Variants in KLHL13 observed in about 807,000 individuals in gnomAD.
KLHL13 encodes kelch like family member 13, also known as kelch-like protein 13.
In KLHL13, 10 loss-of-function variants were observed where a neutral mutation model predicts 37.1. That is an observed-to-expected ratio of 0.27 (90% CI 0.17 to 0.46). The LOEUF is 0.46. Among genes scored for constraint, KLHL13 ranks in the 20% least tolerant of loss-of-function variants. The pLI is 1.00. For synonymous variants in KLHL13, 163 were observed against 181.2 expected (o/e 0.90, Z 0.81); for missense variants, 360 against 509.3 (o/e 0.71, Z 2.82).
At chrX:117,974,585 A>G (rs773883045), upstream of KLHL13, among the ~76,000 whole-genome samples, 2 of 112,118 alleles carry the variant, frequency 1.8e-5, no homozygotes, top group Non-Finnish European at 3.8e-5. Context: ...TACCAAATTT[A>G]GTATATAAGA....
chrX:117,899,039 T>C (rs1569407364), exon 7 of KLHL13: 2 of 1,211,432 alleles, frequency 1.7e-6, no homozygotes, highest in Non-Finnish European at 2.2e-6. Context: ...CATTCATCTT[T>C]ATCTGGATCA....
At chrX:118,039,164 T>C (rs2054481977) in intron 1 of KLHL13, among the ~76,000 whole-genome samples, 1 of 112,259 alleles carries the variant, frequency 8.9e-6, no homozygotes, top group African/African-American at 3.2e-5. Context: ...GAGGCAATAC[T>C]CACTGTGGGT....
intron 2 of KLHL13, 97 bp from the exon 4 acceptor site, chrX:117,920,467 T>C (rs1352441508): frequency 4.6e-6 from 4 of 868,360 alleles, no homozygotes. Flanking sequence ...TGGTGCAACA[T>C]ATGTGGAACA....
chrX:117,992,491 T>C (rs12392906), intron 1 of KLHL13, among the ~76,000 whole-genome samples: 6,102 of 111,327 alleles, frequency 0.055, 405 homozygotes, highest in African/African-American at 0.19. Flanking sequence ...ACCCTGTTTA[T>C]AGGTTATGAT....
At chrX:117,903,786 T>C (rs1233059790) in intron 5 of KLHL13, among the ~76,000 whole-genome samples, 1 of 110,922 alleles carries the variant, frequency 9.0e-6, no homozygotes, top group Non-Finnish European at 1.9e-5. Flanking sequence ...ATCATCTTCA[T>C]CTGCTTGAAG....
intron 1 of KLHL13, among the ~76,000 whole-genome samples, chrX:118,005,569 T>C (rs145227281): frequency 1.2e-3 from 139 of 111,306 alleles, no homozygotes; most frequent in African/African-American, 4.4e-3. Flanking sequence ...CTCCTCAACA[T>C]TGGAAGAGGA....
At chrX:117,902,319 C>T (rs1412196858) in intron 5 of KLHL13, among the ~76,000 whole-genome samples, 1 of 111,540 alleles carries the variant, frequency 9.0e-6, no homozygotes, top group African/African-American at 3.3e-5. Flanking sequence ...AAAAACTCCT[C>T]AATTCTGGGT....
Position 117,950,615 on chromosome X carries a change from A to C in KLHL13, c.99-5040T>G, listed in dbSNP as rs554477644. On this transcript the variant is annotated intron_variant, in intron 1 of 6. Coordinates refer to ENST00000262820, the Ensembl canonical transcript of KLHL13. ...ACAGGAACAACAACAATAACAAAAC[A>C]AAATGAAAACAAAAACAAGAAAGCT... 4.8e-4 allele frequency among the ~76,000 whole-genome samples: 54 copies of C among 112,611 alleles called. 1 individual carries two copies. The highest frequency in any genetic ancestry group is 1.7e-3 in the African/African-American group (53 of 31,067).
chrX:118,012,839 AAAGAAGGTAT>A (rs888865225), intron 1 of KLHL13, among the ~76,000 whole-genome samples: 1 of 111,709 alleles, frequency 9.0e-6, no homozygotes, highest in African/African-American at 3.3e-5. Context: ...TCCAGCCTCT[AAAGAAGGTAT>A]ATATACAAAC....
At chrX:117,899,189 T>C (rs1190269914) in exon 7 of KLHL13, 19 of 1,209,837 alleles carry the variant, frequency 1.6e-5, no homozygotes, top group Non-Finnish European at 1.9e-5. Flanking sequence ...TGGTCAAGGA[T>C]AGGTGAATAG....
Position 118,099,204 on chromosome X carries a change from A to G in KLHL13, c.-56+17304T>C, listed in dbSNP as rs781659995. ...CTTTATATTATTTTCAAGTACAAAG[A>G]TATTATGGAAATAGGTATTTATGCA... On this transcript the variant is annotated intron_variant, in intron 1 of 6. Coordinates refer to the KLHL13 transcript ENST00000371882. Among the ~76,000 whole-genome samples, 4 of 111,524 alleles carry G rather than the reference A, an allele frequency of 3.6e-5. No individual in the cohort carries two copies. The South Asian group carries it at 1.5e-3, about 42-fold the overall frequency.
At chrX:118,078,513 A>T (rs1353867347) in intron 1 of KLHL13, among the ~76,000 whole-genome samples, 1 of 111,563 alleles carries the variant, frequency 9.0e-6, no homozygotes, top group African/African-American at 3.2e-5. Context: ...TAATATATTT[A>T]GCCTTAATGA....
intron 1 of KLHL13, among the ~76,000 whole-genome samples, chrX:117,969,133 A>C (rs1460536815): frequency 8.9e-6 from 1 of 111,846 alleles, no homozygotes; most frequent in East Asian, 2.8e-4. Flanking sequence ...CATTCTAAGG[A>C]AAACAACTCA....
At chrX:118,106,446 A>AAT (rs1381746534) in intron 1 of KLHL13, among the ~76,000 whole-genome samples, 2 of 111,914 alleles carry the variant, frequency 1.8e-5, no homozygotes, top group African/African-American at 6.5e-5. Flanking sequence ...TTTTCTAAAA[A>AAT]ATATATAAAT....
At chrX:118,116,191 G>A (rs954087812) in intron 1 of KLHL13, among the ~76,000 whole-genome samples, 5 of 111,268 alleles carry the variant, frequency 4.5e-5, no homozygotes, top group Non-Finnish European at 5.7e-5. Flanking sequence ...CAGCAACAGC[G>A]AGGCCCAGAG....
intron 1 of KLHL13, among the ~76,000 whole-genome samples, chrX:118,100,344 G>A (rs1045329731): frequency 9.0e-6 from 1 of 111,302 alleles, no homozygotes. Context: ...TTGGCGTAAC[G>A]TGAAAATTTA....
At chrX:118,098,168 G>A (rs2055235986) in intron 1 of KLHL13, among the ~76,000 whole-genome samples, 1 of 111,794 alleles carries the variant, frequency 8.9e-6, no homozygotes, top group African/African-American at 3.2e-5. Flanking sequence ...GAAAATTTTT[G>A]CAACCTACTC....
intron 1 of KLHL13, among the ~76,000 whole-genome samples, chrX:118,001,920 C>G (rs2053926007): frequency 9.6e-6 from 1 of 103,884 alleles, no homozygotes; most frequent in Non-Finnish European, 2.0e-5. Flanking sequence ...GCATATGAAT[C>G]TTACAGATTT....
intron 2 of KLHL13, among the ~76,000 whole-genome samples, chrX:117,934,781 G>C (rs1456743091): frequency 9.1e-6 from 1 of 109,551 alleles, no homozygotes; most frequent in Admixed American, 9.8e-5. Flanking sequence ...TTTTTCTTTT[G>C]TTTTGGTTTG....
Sources: allele counts gnomAD v4.1 joint callset (sites outside exome capture counted in the v4.1 genomes callset), GRCh38; gene constraint gnomAD v4.1.1; transcripts MANE v1.5; gene names NCBI Gene and HGNC (gene_info 2026-07-23, HGNC 2026-07-21).